PRIM2: variants seen among roughly 807,000 people sequenced by gnomAD.
The protein encoded by PRIM2 is DNA primase subunit 2, also known as DNA primase large subunit.
PRIM2 carries 39 observed loss-of-function variants against 67.3 expected under a neutral mutation model. The ratio of observed to expected loss-of-function variants is 0.58; its 90% CI spans 0.45 to 0.76. The LOEUF is 0.76. Among genes scored for constraint, PRIM2 ranks in the 30% least tolerant of loss-of-function variants. The pLI is 0.00. For missense variants in PRIM2, 398 were observed against 598.7 expected, an observed-to-expected ratio of 0.66 and a Z score of 3.50; for synonymous variants, 143 against 198.7, an observed-to-expected ratio of 0.72 and a Z score of 2.36.
chr6:57,546,885 C>T (rs1775298952), intron 10 of PRIM2, among the ~76,000 whole-genome samples: 1 of 152,010 alleles, frequency 6.6e-6, no homozygotes, highest in Non-Finnish European at 1.5e-5. Context: ...GGTTTTTATT[C>T]TTAAATTGTT....
chr6:57,346,572 C>A lies in PRIM2; in HGVS notation c.459+20527C>A, dbSNP rs551293833. On this transcript the variant is annotated intron_variant, in intron 5 of 13. Transcript: ENST00000615550. ...TGACCTTGTGACCCGCCTACCTCGG[C>A]CTCCCAAAGTGTTGGGATTACAGGC... 2.1e-4 allele frequency among the ~76,000 whole-genome samples: 32 copies of A among 152,286 alleles called. No individual in the cohort carries two copies. The South Asian group carries it at 6.6e-3, about 32-fold the overall frequency.
chr6:57,391,325 T>C (rs2127347462), intron 7 of PRIM2, among the ~76,000 whole-genome samples: 1 of 146,688 alleles, frequency 6.8e-6, no homozygotes, highest in African/African-American at 2.6e-5. Flanking sequence ...TTCCATTCTG[T>C]AGGTTGTCTG....
chr6:57,634,115 C>T (rs1424361131), intron 13 of PRIM2, among the ~76,000 whole-genome samples: 4 of 152,196 alleles, frequency 2.6e-5, no homozygotes, highest in Non-Finnish European at 4.4e-5. Context: ...TTCAAGCTGT[C>T]TAACTCATCT....
intron 5 of PRIM2, among the ~76,000 whole-genome samples, chr6:57,348,801 G>T (rs1581815917): frequency 7.2e-6 from 1 of 139,782 alleles, no homozygotes; most frequent in Non-Finnish European, 1.5e-5. Flanking sequence ...AAGCTGAAGT[G>T]CAGTGGCGCG....
the PRIM2 span, among the ~76,000 whole-genome samples, chr6:57,298,751 T>C: frequency 1.3e-5 from 2 of 152,186 alleles, no homozygotes; most frequent in Non-Finnish European, 2.9e-5. Context: ...AAGAATGTGC[T>C]GCTACATAAT....
the PRIM2 span, among the ~76,000 whole-genome samples, chr6:57,255,109 G>C: frequency 6.6e-6 from 1 of 152,104 alleles, no homozygotes; most frequent in Non-Finnish European, 1.5e-5. Context: ...AAACAGTTTG[G>C]TCACCTCAAT....
chr6:57,420,084 C>T (rs1177730457), intron 7 of PRIM2, among the ~76,000 whole-genome samples: 1 of 152,134 alleles, frequency 6.6e-6, no homozygotes, highest in African/African-American at 2.4e-5. Flanking sequence ...TGATTTCCCA[C>T]AGTGGGAGTG....
chr6:57,487,402 T>C (rs1408139587), intron 7 of PRIM2, among the ~76,000 whole-genome samples: 1 of 152,178 alleles, frequency 6.6e-6, no homozygotes, highest in Non-Finnish European at 1.5e-5. Context: ...CTAATTTTTG[T>C]ATTTTTAGTA....
intron 5 of PRIM2, among the ~76,000 whole-genome samples, chr6:57,334,899 A>C (rs1768171656): frequency 6.6e-6 from 1 of 152,234 alleles, no homozygotes; most frequent in African/African-American, 2.4e-5. Flanking sequence ...TACAGCTCCC[A>C]GCGTGAGCGA....
At chr6:57,420,986 T>C (rs1771442275) in intron 7 of PRIM2, among the ~76,000 whole-genome samples, 1 of 152,164 alleles carries the variant, frequency 6.6e-6, no homozygotes, top group African/African-American at 2.4e-5. Flanking sequence ...GGTAGCAGCA[T>C]GAAATGGGGA....
the PRIM2 span, among the ~76,000 whole-genome samples, chr6:57,240,091 GTTTTTTTTTTTT>G: frequency 2.1e-4 from 19 of 90,006 alleles, no homozygotes; most frequent in African/African-American, 8.4e-4. Context: ...TCAATAATCT[GTTTTTTTTTTTT>G]TTTTTTTTTT....
chr6:57,645,885 C>G, intron 13 of PRIM2, 43 bp from the exon 14 acceptor site: 1 of 1,101,158 alleles, frequency 9.1e-7, no homozygotes, highest in Non-Finnish European at 1.4e-6. Flanking sequence ...ATATTTATAG[C>G]TTTGCCATGC....
At chr6:57,401,020 G>A (rs1581865761) in intron 7 of PRIM2, among the ~76,000 whole-genome samples, 1 of 152,096 alleles carries the variant, frequency 6.6e-6, no homozygotes. Flanking sequence ...TCATTTGGTT[G>A]TGATTCTTAG....
intron 10 of PRIM2, among the ~76,000 whole-genome samples, chr6:57,563,471 CT>C (rs1775678388): frequency 6.6e-6 from 1 of 151,944 alleles, no homozygotes; most frequent in African/African-American, 2.4e-5. Flanking sequence ...TTAATTCTTT[CT>C]GGTTATTTTC....
rs1425485581 is a variant in PRIM2 at position 57,640,945 on chromosome 6, A to AC, written c.1300-4983_1300-4982insC. ...AGACAATCCTAAGCAAAAAAACAAAAAAAAAACAACGCTAGAGGCATCACG... is the reference window on the plus strand; with the variant it reads ...AGACAATCCTAAGCAAAAAAACAAAACAAAAAACAACGCTAGAGGCATCACG... On this transcript the variant is annotated intron_variant, in intron 13 of 13. Coordinates refer to ENST00000615550, the MANE Select transcript of PRIM2 (RefSeq NM_000947.5). 1.2e-3 allele frequency among the ~76,000 whole-genome samples: 182 copies of AC among 151,564 alleles called. 5 individuals are homozygous for AC. The East Asian group carries it at 0.031, about 26-fold the overall frequency.
At chr6:57,607,144 T>C (rs1314211954) in intron 12 of PRIM2, among the ~76,000 whole-genome samples, 1 of 152,220 alleles carries the variant, frequency 6.6e-6, no homozygotes, top group Admixed American at 6.5e-5. Context: ...AAGAACATTA[T>C]ATATTTTAGA....
At chr6:57,462,572 C>A (rs1448834020) in intron 7 of PRIM2, among the ~76,000 whole-genome samples, 5 of 152,138 alleles carry the variant, frequency 3.3e-5, no homozygotes, top group Non-Finnish European at 7.4e-5. Context: ...TGTTTGTTTT[C>A]TTAGTTTGGT....
At chr6:57,570,918 A>G (rs1775850371) in intron 10 of PRIM2, among the ~76,000 whole-genome samples, 1 of 152,118 alleles carries the variant, frequency 6.6e-6, no homozygotes, top group Non-Finnish European at 1.5e-5. Flanking sequence ...TAAAGTTACC[A>G]TGAAATTGGT....
At chr6:57,352,343 C>CA (rs1402116429) in intron 5 of PRIM2, among the ~76,000 whole-genome samples, 3 of 152,130 alleles carry the variant, frequency 2.0e-5, no homozygotes, top group Non-Finnish European at 4.4e-5. Flanking sequence ...CAGGTTTAAG[C>CA]AATTCTCCTC....
Sources: allele counts gnomAD v4.1 joint callset (sites outside exome capture counted in the v4.1 genomes callset), GRCh38; gene constraint gnomAD v4.1.1; transcripts MANE v1.5; gene names NCBI Gene and HGNC (gene_info 2026-07-23, HGNC 2026-07-21).